The following SEMA4B variants were observed in gnomAD, a reference collection of about 807,000 sequenced individuals.
The protein encoded by SEMA4B is semaphorin 4B, also known as semaphorin-4B.
In SEMA4B, 55 loss-of-function variants were observed where a neutral mutation model predicts 88.1. The observed-to-expected ratio is 0.62, with a 90% CI of 0.50 to 0.78. SEMA4B has a LOEUF of 0.78. Ranked by LOEUF, SEMA4B falls within the 30% of genes least tolerant of loss-of-function variation. The pLI is 0.00. For synonymous variants in SEMA4B, 525 were observed against 473.6 expected, an observed-to-expected ratio of 1.11 and a Z score of -1.41; for missense variants, 1,062 against 1,111.9, an observed-to-expected ratio of 0.96 and a Z score of 0.64.
chr15:90,208,235 C>T (rs1365251539), intron 1 of SEMA4B, among the ~76,000 whole-genome samples: 1 of 144,488 alleles, frequency 6.9e-6, no homozygotes, highest in African/African-American at 2.6e-5. Context: ...GCCTGGAAGA[C>T]AAGAGCAAAA....
chr15:90,227,650 GC>G lies in SEMA4B; in HGVS notation c.1774+13del, dbSNP rs763815192. On this transcript the variant is annotated intron_variant, in intron 13 of 13. Coordinates refer to ENST00000411539, the MANE Select transcript of SEMA4B (RefSeq NM_198925.4). ...CGTCTTTTGTACCAACAGGTGAGGT[GC>G]CCCCTCAAAAGGTGGAGGAGAGAGG... The G allele has an allele frequency of 3.7e-6, 6 of 1,613,670 alleles. No individual in the cohort carries two copies. In the South Asian group the frequency reaches 5.5e-5, roughly 15 times the overall value.
At position 90,185,083 on chromosome 15, in the gene SEMA4B, T is replaced by C. The variant is rs986733989; in HGVS notation, c.-122+2T>C. ...TGCGCTGACCCTGACTCACTCCAGG[T>C]AGGCGCGGGGGGTGCCTGGCGAGGT... On this transcript the variant is annotated splice_donor_variant, in intron 1 of 14. Coordinates refer to the SEMA4B transcript ENST00000332496. LOFTEE classifies it low-confidence loss of function (5UTR_SPLICE). 1.0e-6 allele frequency: 1 copy of C among 983,786 alleles called. No homozygotes were observed. Among genetic ancestry groups the C allele is most frequent in the Non-Finnish European group, 1.2e-6 (1 of 828,650 alleles). The allele number at this position is 983,786 out of a possible 1,614,324, so 60.9% of individuals were successfully genotyped here. A position where few individuals can be genotyped will look rare whatever the true frequency, so the allele number is the denominator to read the frequency against.
intron 3 of SEMA4B, 123 bp from the exon 4 acceptor site, chr15:90,219,670 G>C (rs1487286728): frequency 1.5e-6 from 1 of 675,972 alleles, no homozygotes; most frequent in African/African-American, 1.8e-5. Context: ...TCCTAGACTT[G>C]AGTGCCCCAT....
At chr15:90,218,374 C>T (rs8041503) in intron 3 of SEMA4B, among the ~76,000 whole-genome samples, 1 of 152,092 alleles carries the variant, frequency 6.6e-6, no homozygotes, top group South Asian at 2.1e-4. Context: ...TGAGGGCAAA[C>T]GAGTGCTGGA....
At position 90,223,585 on chromosome 15, in the gene SEMA4B, A is replaced by G. The variant is rs761492285; in HGVS notation, c.888A>G (p.Leu296=). The change falls in exon 8 of 14, where the codon CTA becomes CTG. Residue 296 remains leucine, a synonymous_variant. Coordinates refer to ENST00000411539, the MANE Select transcript of SEMA4B (RefSeq NM_198925.4). ...CKGDEGGERV[L]QQRWTSFLKA... ...GCGATGAGGGTGGAGAGCGGGTGCT[A>G]CAGCAGCGCTGGACCTCCTTCCTCA... 3 of 1,606,618 alleles carry G rather than the reference A, an allele frequency of 1.9e-6. No homozygotes were observed. Among genetic ancestry groups the G allele is most frequent in the East Asian group, 2.2e-5 (1 of 44,786 alleles).
At chr15:90,224,628 C>T (rs1107460) in intron 9 of SEMA4B, among the ~76,000 whole-genome samples, 21,611 of 152,200 alleles carry the variant, frequency 0.14, 1,657 homozygotes, top group East Asian at 0.25. Flanking sequence ...TGCACTGGGA[C>T]GCTCTGCCCG....
intron 1 of SEMA4B, among the ~76,000 whole-genome samples, chr15:90,192,902 T>C (rs1242072121): frequency 4.6e-5 from 7 of 152,156 alleles, no homozygotes; most frequent in South Asian, 2.1e-4. Context: ...TTTCGGCCTC[T>C]TTATAATGGA....
chr15:90,210,066 C>T (rs1256938887), intron 1 of SEMA4B, among the ~76,000 whole-genome samples: 1 of 152,096 alleles, frequency 6.6e-6, no homozygotes, highest in Non-Finnish European at 1.5e-5. Context: ...GAGGATGGTG[C>T]CAGGCTCAGG....
At position 90,217,636 on chromosome 15, in the gene SEMA4B, G is replaced by T. The variant is rs749674751; in HGVS notation, c.321+34G>T. On this transcript the variant is annotated intron_variant, in intron 2 of 13. Transcript: ENST00000411539. ...TGTTGCCTGGAGCTGGCTAGGCTGG[G>T]CAGAGGACCACAGAGGGAAGATGGA... 6.2e-7 allele frequency: 1 copy of T among 1,611,318 alleles called. No homozygotes were observed. Among genetic ancestry groups the T allele is most frequent in the South Asian group, 1.1e-5 (1 of 90,690 alleles).
Position 90,212,159 on chromosome 15 carries a change from GAACCCCA to G in SEMA4B, c.158-5279_158-5273del, listed in dbSNP as rs1385706239. Among the ~76,000 whole-genome samples the G allele has an allele frequency of 1.3e-5, 2 of 151,300 alleles. No individual in the cohort carries two copies. Among genetic ancestry groups the G allele is most frequent in the African/African-American group, 4.9e-5 (2 of 41,088 alleles). On this transcript the variant is annotated intron_variant, in intron 1 of 13. Transcript: ENST00000411539. This position sits in a 1 kb window ranked among gnomAD's most constrained non-coding sequence, Gnocchi z 4.0. ...TACTCAGAACCCCACTTCCTACTCA[GAACCCCA>G]CTTCCTGGGGTGGGGAGTGGGGACC...
chr15:90,226,032 G>A (rs1473222116), intron 12 of SEMA4B, among the ~76,000 whole-genome samples: 1 of 152,188 alleles, frequency 6.6e-6, no homozygotes, highest in Non-Finnish European at 1.5e-5. Context: ...GTAAAACGAG[G>A]ACATGATTTG....
chr15:90,225,861 C>G, intron 12 of SEMA4B, 34 bp downstream of exon 12: 2 of 1,451,452 alleles, frequency 1.4e-6, no homozygotes, highest in Non-Finnish European at 1.8e-6. Context: ...CCCATCTGTC[C>G]AGCCCTGCAC....
At chr15:90,217,644 C>A in intron 2 of SEMA4B, 42 bp downstream of exon 2, 2 of 1,609,062 alleles carry the variant, frequency 1.2e-6, no homozygotes, top group Non-Finnish European at 1.7e-6. Context: ...GGGCAGAGGA[C>A]CACAGAGGGA....
chr15:90,188,016 AAAAG>A (rs1288895094), intron 1 of SEMA4B, among the ~76,000 whole-genome samples: 76 of 150,304 alleles, frequency 5.1e-4, no homozygotes, highest in Admixed American at 1.3e-3. Flanking sequence ...AAAAAAAAAA[AAAAG>A]AAAGAAAAGA....
At chr15:90,196,644 G>C (rs1324026471), upstream of SEMA4B, among the ~76,000 whole-genome samples, 1 of 151,726 alleles carries the variant, frequency 6.6e-6, no homozygotes, top group Admixed American at 6.6e-5. Flanking sequence ...GTGCCACCAC[G>C]CCCAGCTAAT....
At chr15:90,196,240 C>A (rs150725901) in intron 1 of SEMA4B, among the ~76,000 whole-genome samples, 1 of 151,972 alleles carries the variant, frequency 6.6e-6, no homozygotes, top group South Asian at 2.1e-4. Context: ...TTTTGTACTT[C>A]TTATTGCATC....
chr15:90,214,544 A>G (rs1961435498), intron 1 of SEMA4B, among the ~76,000 whole-genome samples: 1 of 149,744 alleles, frequency 6.7e-6, no homozygotes, highest in African/African-American at 2.5e-5. Context: ...GAGGCAGGAG[A>G]ATCGCTTGAA....
rs1316688659 is a variant in SEMA4B at position 90,223,926 on chromosome 15, AACCGTGAGACACAGCAGTGGTAC to A, written c.1140_1162del (p.Glu380AspfsTer83). The A allele has an allele frequency of 6.2e-7, 1 of 1,613,694 alleles. No individual in the cohort carries two copies. The highest frequency in any genetic ancestry group is 1.7e-5 in the Admixed American group (1 of 59,998). Reference sequence around the variant, plus strand: ...CTTCAGCGGCCTCTACAAGGAGGTGAACCGTGAGACACAGCAGTGGTACACCGTGACCCACCCGGTGCCCACAC... The same window carrying A: ...CTTCAGCGGCCTCTACAAGGAGGTGAACCGTGACCCACCCGGTGCCCACAC... On this transcript the variant is annotated frameshift_variant, in exon 9 of 14. Coordinates refer to ENST00000411539, the MANE Select transcript of SEMA4B (RefSeq NM_198925.4). LOFTEE classifies it high-confidence loss of function.
intron 1 of SEMA4B, among the ~76,000 whole-genome samples, chr15:90,203,443 A>G (rs144190149): frequency 1.3e-5 from 2 of 152,334 alleles, no homozygotes; most frequent in Admixed American, 6.5e-5. Flanking sequence ...GGGCCAGCTC[A>G]TGGGACCATG....
Sources: allele counts gnomAD v4.1 joint callset (sites outside exome capture counted in the v4.1 genomes callset), GRCh38; gene constraint gnomAD v4.1.1; non-coding constraint Gnocchi (gnomAD v3.1); transcripts MANE v1.5; gene names NCBI Gene and HGNC (gene_info 2026-07-23, HGNC 2026-07-21).